NLGN1: variants seen among roughly 807,000 people sequenced by gnomAD.
NLGN1 encodes neuroligin-1.
In NLGN1, 12 loss-of-function variants were observed where a neutral mutation model predicts 65.5. The ratio of observed to expected loss-of-function variants is 0.18; its 90% CI spans 0.12 to 0.30. The LOEUF (loss-of-function observed/expected upper bound fraction) is 0.30. Ranked by LOEUF, NLGN1 falls within the 10% of genes least tolerant of loss-of-function variation. The probability of loss-of-function intolerance (pLI) is 1.00; values close to 1 mark genes in which losing one functional copy is unlikely to be tolerated. For synonymous variants in NLGN1, 350 were observed against 359.5 expected, an observed-to-expected ratio of 0.97 and a Z score of 0.30; for missense variants, 750 against 1,007.1, an observed-to-expected ratio of 0.74 and a Z score of 3.46.
At chr3:173,500,280 A>G (rs945035723) in intron 2 of NLGN1, among the ~76,000 whole-genome samples, 3 of 152,118 alleles carry the variant, frequency 2.0e-5, no homozygotes, top group Non-Finnish European at 2.9e-5. Context: ...GAATTTTGTC[A>G]AAGGCCTTTT....
At chr3:173,688,032 A>G (rs1291869199) in intron 3 of NLGN1, among the ~76,000 whole-genome samples, 1 of 152,224 alleles carries the variant, frequency 6.6e-6, no homozygotes, top group African/African-American at 2.4e-5. Flanking sequence ...GCCTGATATA[A>G]TGGACATTCT....
At chr3:174,064,066 C>A (rs558611956) in intron 4 of NLGN1, among the ~76,000 whole-genome samples, 1 of 151,912 alleles carries the variant, frequency 6.6e-6, no homozygotes, top group African/African-American at 2.4e-5. Flanking sequence ...CGTTTGAACC[C>A]GGGAGGCAGA....
At chr3:173,648,551 G>A (rs1479533499) in intron 3 of NLGN1, among the ~76,000 whole-genome samples, 1 of 151,838 alleles carries the variant, frequency 6.6e-6, no homozygotes, top group Non-Finnish European at 1.5e-5. Context: ...AAAACAACTG[G>A]GTAGATTCTT....
At chr3:173,408,698 G>T (rs1711815768) in intron 1 of NLGN1, among the ~76,000 whole-genome samples, 1 of 152,164 alleles carries the variant, frequency 6.6e-6, no homozygotes, top group South Asian at 2.1e-4. Context: ...GGATCACAGG[G>T]TCAGGAGATC....
intron 3 of NLGN1, among the ~76,000 whole-genome samples, chr3:173,617,031 G>A (rs1011629974): frequency 6.6e-6 from 1 of 151,632 alleles, no homozygotes; most frequent in Non-Finnish European, 1.5e-5. Context: ...TATTCTTTTT[G>A]TTCCTGGAAT....
chr3:173,879,498 A>G (rs1732812866), intron 4 of NLGN1, among the ~76,000 whole-genome samples: 1 of 152,184 alleles, frequency 6.6e-6, no homozygotes, highest in South Asian at 2.1e-4. Flanking sequence ...AATGCTGAGC[A>G]TGGTTTTCCT....
intron 4 of NLGN1, among the ~76,000 whole-genome samples, chr3:174,156,318 G>A (rs954099159): frequency 2.0e-5 from 3 of 151,910 alleles, no homozygotes; most frequent in Non-Finnish European, 4.4e-5. Flanking sequence ...AAGCTATCTA[G>A]GAGATATTTC....
At chr3:174,085,873 G>A (rs1245548143) in intron 4 of NLGN1, among the ~76,000 whole-genome samples, 1 of 151,714 alleles carries the variant, frequency 6.6e-6, no homozygotes, top group Admixed American at 6.6e-5. Context: ...ACATAATCGC[G>A]GTTTTTGCCA....
chr3:173,482,047 A>G (rs1727385542), intron 2 of NLGN1, among the ~76,000 whole-genome samples: 1 of 151,970 alleles, frequency 6.6e-6, no homozygotes, highest in East Asian at 1.9e-4. Context: ...TTGTTTTTCA[A>G]ATCCCTCTCC....
chr3:173,579,482 A>C (rs1404918781), intron 2 of NLGN1, among the ~76,000 whole-genome samples: 1 of 152,232 alleles, frequency 6.6e-6, no homozygotes, highest in Non-Finnish European at 1.5e-5. Context: ...GTCTCAAGAT[A>C]AATAAACAAA....
At position 173,588,571 on chromosome 3, in the gene NLGN1, A is replaced by G. The variant is rs116084759; in HGVS notation, c.-320-15708A>G. On this transcript the variant is annotated intron_variant, in intron 2 of 6. Coordinates refer to ENST00000457714, the Ensembl canonical transcript of NLGN1. ...ATCATTCCAGGAGTTTGAAATTATT[A>G]GACATTAAACTTTTGGGGGATTTTT... 7.6e-3 allele frequency among the ~76,000 whole-genome samples: 1,164 copies of G among 152,322 alleles called. 5 individuals are homozygous for G. Among genetic ancestry groups the G allele is most frequent in the Non-Finnish European group, 0.012 (800 of 68,014 alleles).
chr3:173,483,896 T>C (rs1301385984), intron 2 of NLGN1, among the ~76,000 whole-genome samples: 4 of 152,182 alleles, frequency 2.6e-5, no homozygotes, highest in Non-Finnish European at 5.9e-5. Context: ...ATGTCCATCT[T>C]TAATTTCATT....
At chr3:173,773,944 G>A (rs1578365006) in intron 3 of NLGN1, among the ~76,000 whole-genome samples, 2 of 152,284 alleles carry the variant, frequency 1.3e-5, no homozygotes, top group African/African-American at 2.4e-5. Flanking sequence ...GAGCAGGAAA[G>A]AGAACATCCC....
chr3:173,578,958 T>C (rs1231576079), intron 2 of NLGN1, among the ~76,000 whole-genome samples: 1 of 152,242 alleles, frequency 6.6e-6, no homozygotes, highest in African/African-American at 2.4e-5. Context: ...GTATAAATTA[T>C]AGATGTAAAA....
At chr3:174,185,213 T>A (rs1731171858) in intron 4 of NLGN1, among the ~76,000 whole-genome samples, 1 of 152,168 alleles carries the variant, frequency 6.6e-6, no homozygotes, top group African/African-American at 2.4e-5. Context: ...ACTCTACATG[T>A]ATTAACAATT....
At chr3:173,489,166 T>G (rs974731342) in intron 2 of NLGN1, among the ~76,000 whole-genome samples, 1 of 152,094 alleles carries the variant, frequency 6.6e-6, no homozygotes, top group Non-Finnish European at 1.5e-5. Flanking sequence ...ACATGTGCCA[T>G]GTTGGTGTGT....
intron 3 of NLGN1, among the ~76,000 whole-genome samples, chr3:173,777,631 G>GTCTGTCTATCTA (rs1216215896): frequency 1.7e-4 from 6 of 35,894 alleles, no homozygotes; most frequent in Middle Eastern, 0.012. Context: ...CTGTCTGTCT[G>GTCTGTCTATCTA]TCTATCTATC....
rs113008739 is a variant in NLGN1, at chr3:173,932,138, T to C, written c.646+124306T>C. On this transcript the variant is annotated intron_variant, in intron 4 of 6. Transcript: ENST00000457714. ...TTTCTTCTTTCAATGCATTTGTGTC[T>C]AGGTGAGCATGTGGGTACACAGGAT... 1.6e-3 allele frequency among the ~76,000 whole-genome samples: 247 copies of C among 152,212 alleles called. 2 individuals are homozygous for C. The highest frequency in any genetic ancestry group is 5.8e-3 in the African/African-American group (240 of 41,558).
chr3:174,076,679 T>TAGAGAGAGAGAGAGAGAGAG (rs3979619), intron 4 of NLGN1, among the ~76,000 whole-genome samples: 3 of 92,914 alleles, frequency 3.2e-5, no homozygotes, highest in African/African-American at 1.4e-4. Context: ...TCTGGGACCA[T>TAGAGAGAGAGAGAGAGAGAG]AGAGAGAGAG....
Sources: gnomAD v4.1 joint callset for allele counts (sites outside exome capture counted in the v4.1 genomes callset) on GRCh38, gnomAD v4.1.1 for gene constraint, MANE v1.5 for transcripts, NCBI Gene and HGNC (gene_info 2026-07-23, HGNC 2026-07-21) for gene names.